The following EPHA6 variants were observed in gnomAD, a reference collection of about 807,000 sequenced individuals.
EPHA6 encodes EPH receptor A6.
In EPHA6, 50 loss-of-function variants were observed where a neutral mutation model predicts 112.0. The observed-to-expected ratio is 0.45, with a 90% CI of 0.36 to 0.56. EPHA6 has a LOEUF of 0.56. Ranked by LOEUF, EPHA6 falls within the 20% of genes least tolerant of loss-of-function variation. The probability of loss-of-function intolerance (pLI) is 0.00; values close to 1 mark genes in which losing one functional copy is unlikely to be tolerated. For synonymous variants in EPHA6, 529 were observed against 490.7 expected, an observed-to-expected ratio of 1.08 and a Z score of -1.03; for missense variants, 1,280 against 1,417.4, an observed-to-expected ratio of 0.90 and a Z score of 1.56.
intron 5 of EPHA6, among the ~76,000 whole-genome samples, chr3:97,350,530 A>G (rs2083756043): frequency 6.6e-6 from 1 of 152,170 alleles, no homozygotes; most frequent in African/African-American, 2.4e-5. Context: ...TTATTTTAAG[A>G]GTTCATGAAA....
intron 11 of EPHA6, among the ~76,000 whole-genome samples, chr3:97,588,149 A>T (rs2093508492): frequency 6.6e-6 from 1 of 152,208 alleles, no homozygotes; most frequent in African/African-American, 2.4e-5. Flanking sequence ...GCATAAATAT[A>T]AATGGAATTT....
At chr3:97,538,696 A>G (rs911788731) in intron 11 of EPHA6, among the ~76,000 whole-genome samples, 2 of 152,222 alleles carry the variant, frequency 1.3e-5, no homozygotes, top group African/African-American at 4.8e-5. Flanking sequence ...GAGAGAGGTC[A>G]ATAGAATAAA....
chr3:97,241,406 ACC>A (rs2078842175), intron 4 of EPHA6, among the ~76,000 whole-genome samples: 1 of 151,804 alleles, frequency 6.6e-6, no homozygotes, highest in Non-Finnish European at 1.5e-5. Context: ...ATAAGGAAAT[ACC>A]TGGGAGTTTT....
intron 4 of EPHA6, among the ~76,000 whole-genome samples, chr3:97,230,071 G>C (rs1445052293): frequency 6.6e-6 from 1 of 152,042 alleles, no homozygotes; most frequent in Non-Finnish European, 1.5e-5. Flanking sequence ...TAGGTAGTTT[G>C]TGATATTTCA....
intron 2 of EPHA6, among the ~76,000 whole-genome samples, chr3:96,882,766 G>GTATATA (rs755067801): frequency 7.8e-6 from 1 of 127,482 alleles, no homozygotes; most frequent in Non-Finnish European, 1.6e-5. Context: ...GTGTGTGTGT[G>GTATATA]TGTATAGTCA....
intron 3 of EPHA6, among the ~76,000 whole-genome samples, chr3:96,989,018 T>A (rs1461307137): frequency 6.6e-6 from 1 of 152,034 alleles, no homozygotes; most frequent in Non-Finnish European, 1.5e-5. Context: ...AGAAAAAAAA[T>A]TATTTCATGG....
chr3:97,046,265 A>G (rs1371719336), intron 3 of EPHA6, among the ~76,000 whole-genome samples: 1 of 152,164 alleles, frequency 6.6e-6, no homozygotes, highest in East Asian at 1.9e-4. Flanking sequence ...ATTGAAGGAT[A>G]TTTTAACATA....
At chr3:97,667,232 C>T (rs1051895770) in intron 14 of EPHA6, among the ~76,000 whole-genome samples, 1 of 152,146 alleles carries the variant, frequency 6.6e-6, no homozygotes, top group African/African-American at 2.4e-5. Context: ...TTATAGCAAA[C>T]ATATACAAAT....
chr3:97,150,408 T>G (rs1394953537), intron 3 of EPHA6, among the ~76,000 whole-genome samples: 1 of 152,144 alleles, frequency 6.6e-6, no homozygotes, highest in Non-Finnish European at 1.5e-5. Context: ...TTGCTTACAG[T>G]ACAGTAAAAT....
At chr3:97,041,850 A>G (rs1042445292) in intron 3 of EPHA6, among the ~76,000 whole-genome samples, 2 of 152,018 alleles carry the variant, frequency 1.3e-5, no homozygotes, top group African/African-American at 4.8e-5. Flanking sequence ...ACTCACTATC[A>G]TGCGAACAGC....
chr3:97,498,979 G>A (rs1258392673), intron 10 of EPHA6, among the ~76,000 whole-genome samples: 1 of 152,140 alleles, frequency 6.6e-6, no homozygotes, highest in African/African-American at 2.4e-5. Flanking sequence ...AAGAATTGAA[G>A]GATGACAGAT....
intron 5 of EPHA6, among the ~76,000 whole-genome samples, chr3:97,294,357 T>A (rs1211696229): frequency 6.6e-6 from 1 of 152,204 alleles, no homozygotes; most frequent in Non-Finnish European, 1.5e-5. Context: ...TTGGTTTCTA[T>A]TTGTTTATAA....
At chr3:97,406,370 G>A (rs367573922) in intron 6 of EPHA6, among the ~76,000 whole-genome samples, 1 of 152,088 alleles carries the variant, frequency 6.6e-6, no homozygotes, top group South Asian at 2.1e-4. Context: ...CATTGTGGGA[G>A]GGCAAGGCCA....
At chr3:97,446,602 T>C (rs1309308295) in intron 6 of EPHA6, among the ~76,000 whole-genome samples, 1 of 152,162 alleles carries the variant, frequency 6.6e-6, no homozygotes, top group African/African-American at 2.4e-5. Context: ...CTTATCTCAG[T>C]CATCATTTCA....
chr3:97,463,253 G>A (rs2090950282), intron 7 of EPHA6, among the ~76,000 whole-genome samples: 1 of 152,016 alleles, frequency 6.6e-6, no homozygotes, highest in African/African-American at 2.4e-5. Flanking sequence ...TAAGCAGTAA[G>A]TAGCACGACT....
chr3:97,487,010 T>C (rs1407274508), intron 10 of EPHA6, among the ~76,000 whole-genome samples: 2 of 152,230 alleles, frequency 1.3e-5, no homozygotes, highest in African/African-American at 4.8e-5. Flanking sequence ...GTAGTCCCCT[T>C]GGAAATGTAA....
intron 1 of EPHA6, among the ~76,000 whole-genome samples, chr3:96,861,420 T>C (rs62262944): frequency 0.03 from 4,580 of 152,104 alleles, 102 homozygotes; most frequent in Middle Eastern, 0.068. Context: ...TGAAGAAAAG[T>C]AATTTTTTAT....
At chr3:97,697,208 C>T (rs1035616669) in intron 14 of EPHA6, among the ~76,000 whole-genome samples, 1 of 152,192 alleles carries the variant, frequency 6.6e-6, no homozygotes, top group Non-Finnish European at 1.5e-5. Flanking sequence ...TTTTCTACCA[C>T]AGTGATCTGG....
chr3:97,493,842 G>A (rs779221836), intron 10 of EPHA6, among the ~76,000 whole-genome samples: 1 of 152,296 alleles, frequency 6.6e-6, no homozygotes, highest in Non-Finnish European at 1.5e-5. Context: ...AAACTATCTC[G>A]TGGTTACCAC....
Sources: allele counts gnomAD v4.1 joint callset (sites outside exome capture counted in the v4.1 genomes callset), GRCh38; gene constraint gnomAD v4.1.1; transcripts MANE v1.5; gene names NCBI Gene and HGNC (gene_info 2026-07-23, HGNC 2026-07-21).